The following SEMA5B variants were observed in gnomAD, a reference collection of about 807,000 sequenced individuals.
SEMA5B encodes semaphorin-5B.
A neutral mutation model predicts 135.0 loss-of-function variants in SEMA5B; 66 were observed. The ratio of observed to expected loss-of-function variants is 0.49; its 90% CI spans 0.40 to 0.60. SEMA5B has a LOEUF of 0.60. Ranked by LOEUF, SEMA5B falls within the 20% of genes least tolerant of loss-of-function variation. The probability of loss-of-function intolerance (pLI) is 0.00; values close to 1 mark genes in which losing one functional copy is unlikely to be tolerated. For missense variants in SEMA5B, 1,501 were observed against 1,566.3 expected (o/e 0.96, Z 0.70); for synonymous variants, 690 against 639.5 (o/e 1.08, Z -1.19).
intron 1 of SEMA5B, among the ~76,000 whole-genome samples, chr3:122,987,276 C>G (rs888286937): frequency 6.6e-6 from 1 of 152,156 alleles, no homozygotes; most frequent in South Asian, 2.1e-4. Flanking sequence ...TCTTGTCCCC[C>G]CCATAAGTGG....
At chr3:122,924,149 T>G (rs1341291098) in intron 9 of SEMA5B, among the ~76,000 whole-genome samples, 1 of 152,208 alleles carries the variant, frequency 6.6e-6, no homozygotes, top group African/African-American at 2.4e-5. Flanking sequence ...GTTAACACTC[T>G]GATATTTTAT....
Position 122,961,303 on chromosome 3 carries a change from T to A in SEMA5B, c.-38-2A>T. 6.2e-7 allele frequency: 1 copy of A among 1,612,696 alleles called. No individual in the cohort carries two copies. The highest frequency in any genetic ancestry group is 1.3e-5 in the African/African-American group (1 of 74,984). ...CCAGGCACCAGCTGGAACCACTCAC[T>A]GAAGGGGGAGAATTTTGGGTAAGTC... On this transcript the variant is annotated splice_acceptor_variant, in intron 1 of 22. Transcript: ENST00000357599. LOFTEE classifies it low-confidence loss of function (5UTR_SPLICE).
intron 2 of SEMA5B, among the ~76,000 whole-genome samples, chr3:122,950,758 C>T (rs1014856885): frequency 6.6e-6 from 1 of 152,230 alleles, no homozygotes; most frequent in African/African-American, 2.4e-5. Context: ...GAGGCACCTG[C>T]ACATGTGCAA....
intron 1 of SEMA5B, among the ~76,000 whole-genome samples, chr3:122,971,585 G>A (rs1029745861): frequency 6.6e-6 from 1 of 152,256 alleles, no homozygotes; most frequent in African/African-American, 2.4e-5. Flanking sequence ...CAAGAATAAG[G>A]TCTTATTTAC....
chr3:122,943,538 G>A lies in SEMA5B; in HGVS notation c.329-3C>T. On this transcript the variant is annotated splice_region_variant and splice_polypyrimidine_tract_variant and intron_variant, in intron 3 of 22. Transcript: ENST00000357599. ...GTTAGAGACCCACGGCTGCAGGTCT[G>A]GTGGAGGGAGAGGCAACCCTGTGGT... is the stretch of plus-strand genomic sequence containing the variant. The A allele has an allele frequency of 6.2e-7, 1 of 1,600,124 alleles. No homozygotes were observed. The highest frequency in any genetic ancestry group is 8.5e-7 in the Non-Finnish European group (1 of 1,172,924).
chr3:122,932,947 TG>T (rs1939057606), intron 5 of SEMA5B, among the ~76,000 whole-genome samples: 1 of 152,174 alleles, frequency 6.6e-6, no homozygotes, highest in Non-Finnish European at 1.5e-5. Flanking sequence ...CTTATACTCT[TG>T]GTCTCAAGTC....
intron 2 of SEMA5B, among the ~76,000 whole-genome samples, chr3:122,955,117 T>C (rs576814547): frequency 6.6e-5 from 10 of 151,778 alleles, no homozygotes; most frequent in Non-Finnish European, 1.2e-4. Context: ...TCTTCTTCTT[T>C]TTTTTTTTTA....
chr3:122,976,704 AAAGT>A (rs1382071295), intron 1 of SEMA5B, among the ~76,000 whole-genome samples: 1 of 152,072 alleles, frequency 6.6e-6, no homozygotes, highest in Admixed American at 6.5e-5. Context: ...GATGCATTTC[AAAGT>A]AAGTTGCAGA....
At chr3:123,016,154 C>G (rs372870608) in intron 1 of SEMA5B, among the ~76,000 whole-genome samples, 2 of 152,160 alleles carry the variant, frequency 1.3e-5, no homozygotes, top group African/African-American at 4.8e-5. Flanking sequence ...TAATTGATCC[C>G]TAACTTGAGG....
chr3:122,982,017 A>C (rs1941535771), intron 1 of SEMA5B, among the ~76,000 whole-genome samples: 1 of 152,212 alleles, frequency 6.6e-6, no homozygotes, highest in Non-Finnish European at 1.5e-5. Context: ...CTGGGACCGT[A>C]CAGTGGAGGG....
Position 122,910,990 on chromosome 3 carries a change from C to T in SEMA5B, c.3147G>A (p.Gly1049=), listed in dbSNP as rs1282846463. 2 of 1,613,738 alleles carry T rather than the reference C, an allele frequency of 1.2e-6. No individual in the cohort carries two copies. The highest frequency in any genetic ancestry group is 1.7e-6 in the Non-Finnish European group (2 of 1,179,910). Residue 1049 remains glycine, a synonymous_variant, in exon 22 of 23, where the codon GGG becomes GGA. Transcript: ENST00000357599. The part of the protein sequence containing the change: ...ATGISCFLGS[G]LLTLAVYLSC... ...ACAGGTACACTGCTAGGGTCAGGAGCCCAGAGCCCAAGAAGCAGGAGATGC... is the reference window on the plus strand; with the variant it reads ...ACAGGTACACTGCTAGGGTCAGGAGTCCAGAGCCCAAGAAGCAGGAGATGC...
intron 1 of SEMA5B, among the ~76,000 whole-genome samples, chr3:122,988,066 C>A (rs558727784): frequency 6.6e-6 from 1 of 152,268 alleles, no homozygotes; most frequent in African/African-American, 2.4e-5. Context: ...ACCCAGAAGC[C>A]ATGCAGAAAC....
intron 1 of SEMA5B, among the ~76,000 whole-genome samples, chr3:123,003,241 T>G (rs1490753099): frequency 6.6e-6 from 1 of 152,094 alleles, no homozygotes; most frequent in East Asian, 1.9e-4. Context: ...AAAACCACCT[T>G]TGGAGAAACC....
intron 1 of SEMA5B, among the ~76,000 whole-genome samples, chr3:122,981,700 T>G (rs16833737): frequency 0.02 from 3,047 of 152,310 alleles, 106 homozygotes; most frequent in African/African-American, 0.069. Context: ...ACACAGGCAC[T>G]GTTTTTTGAG....
chr3:122,913,526 A>G lies in SEMA5B; in HGVS notation c.2280+8T>C, dbSNP rs1260906851. The G allele has an allele frequency of 2.5e-6, 4 of 1,609,118 alleles. No individual in the cohort carries two copies. Among genetic ancestry groups the G allele is most frequent in the Admixed American group, 1.7e-5 (1 of 59,794 alleles). On this transcript the variant is annotated splice_region_variant and intron_variant, in intron 16 of 22. Transcript: ENST00000357599. ...ACCGCGCCCCTGGCCCACGGCCCCAACCCTCACCACGCCGCAGCCCAGGCA... is the reference window on the plus strand; with the variant it reads ...ACCGCGCCCCTGGCCCACGGCCCCAGCCCTCACCACGCCGCAGCCCAGGCA...
chr3:122,961,408 G>A (rs1340727011), intron 1 of SEMA5B, 107 bp from the exon 2 acceptor site: 2 of 1,023,908 alleles, frequency 2.0e-6, no homozygotes, highest in African/African-American at 1.6e-5. Flanking sequence ...GGTTGCTGCT[G>A]TGTTTGTTTC....
intron 1 of SEMA5B, among the ~76,000 whole-genome samples, chr3:122,966,533 A>T (rs1000035081): frequency 6.0e-5 from 7 of 117,118 alleles, no homozygotes; most frequent in Admixed American, 1.7e-4. Context: ...CATTGTAAGA[A>T]TGTTTATTAT....
chr3:122,926,394 G>A lies in SEMA5B; in HGVS notation c.1134C>T (p.Asn378=), dbSNP rs143837329. ...QDLIYGVFTT[N]VNSIAASAVC... ...GGCTGGCAGAGGGCAGGACTCACAC[G>A]TTGGTTGTGAAAACTCCATAGATGA... The change falls in exon 9 of 23, where the codon AAC becomes AAT. Residue 378 remains asparagine, a splice_region_variant and synonymous_variant. Transcript: ENST00000357599. The A allele has an allele frequency of 4.3e-5, 70 of 1,609,932 alleles. No homozygotes were observed. The highest frequency in any genetic ancestry group is 1.6e-4 in the Middle Eastern group (1 of 6,068).
chr3:122,971,119 C>A (rs934057004), intron 1 of SEMA5B, among the ~76,000 whole-genome samples: 3 of 152,202 alleles, frequency 2.0e-5, no homozygotes, highest in African/African-American at 7.2e-5. Context: ...GCATAGTGCC[C>A]TGGAAGTGCC....
Sources: allele counts gnomAD v4.1 joint callset (sites outside exome capture counted in the v4.1 genomes callset), GRCh38; gene constraint gnomAD v4.1.1; transcripts MANE v1.5; gene names NCBI Gene and HGNC (gene_info 2026-07-23, HGNC 2026-07-21).